The following ANKLE2 variants were observed in gnomAD, a reference collection of about 807,000 sequenced individuals.
ANKLE2 encodes ankyrin repeat and LEM domain containing 2, also known as ankyrin repeat and LEM domain-containing protein 2.
In ANKLE2, 55 loss-of-function variants were observed where a neutral mutation model predicts 84.2. The ratio of observed to expected loss-of-function variants is 0.65; its 90% CI spans 0.53 to 0.82. The LOEUF (loss-of-function observed/expected upper bound fraction) is 0.82, where lower values mean the gene tolerates loss of function less well. ANKLE2 is among the 40% of genes least tolerant of loss of function. The pLI is 0.00. For synonymous variants in ANKLE2, 551 were observed against 486.1 expected (o/e 1.13, Z -1.76); for missense variants, 1,238 against 1,201.9 (o/e 1.03, Z -0.44).
Position 132,729,668 on chromosome 12 carries a change from CACA to C in ANKLE2, c.2483+8_2483+10del, listed in dbSNP as rs746141976. Reference sequence around the variant, plus strand: ...GAAGGAAAGTGAGTGCAGAGGGCAACACACTCCTACCCAAAAAGGAAGAGCCGC... The same window carrying C: ...GAAGGAAAGTGAGTGCAGAGGGCAACCTCCTACCCAAAAAGGAAGAGCCGC... On this transcript the variant is annotated splice_region_variant and intron_variant, in intron 11 of 12. Transcript: ENST00000357997. The C allele has an allele frequency of 1.9e-4, 295 of 1,576,690 alleles. No homozygotes were observed. In the South Asian group the frequency reaches 2.6e-3, roughly 14 times the overall value.
chr12:132,735,052 A>G (rs961847628), intron 9 of ANKLE2: 2 of 302,610 alleles, frequency 6.6e-6, no homozygotes, highest in Admixed American at 4.8e-5. Context: ...ATTTGATTAC[A>G]GCATAATTTA....
chr12:132,747,401 T>A lies in ANKLE2; in HGVS notation c.1230+431A>T, dbSNP rs544976876. ...GCGTGTCAGGCAGCCTCTCTCTCTC[T>A]CCACAGCCCTGCGTGTCAGGCAGCA... On this transcript the variant is annotated intron_variant, in intron 5 of 12. Transcript: ENST00000357997. Among the ~76,000 whole-genome samples the A allele has an allele frequency of 2.9e-3, 439 of 150,644 alleles. 1 individual carries two copies. Among genetic ancestry groups the A allele is most frequent in the African/African-American group, 0.01 (427 of 40,726 alleles).
At chr12:132,732,854 T>G (rs544066621) in intron 10 of ANKLE2, among the ~76,000 whole-genome samples, 1 of 133,298 alleles carries the variant, frequency 7.5e-6, no homozygotes, top group African/African-American at 2.9e-5. Context: ...TGGTGTCTGA[T>G]ATGCACCGTG....
In ANKLE2 at chr12:132,743,184, T is replaced by A. The variant is rs2044165834; in HGVS notation, c.1323A>T (p.Ser441=). 1 of 1,610,964 alleles carries A rather than the reference T, an allele frequency of 6.2e-7. No homozygotes were observed. Among genetic ancestry groups the A allele is most frequent in the Non-Finnish European group, 8.5e-7 (1 of 1,178,490 alleles). Residue 441 remains serine, a synonymous_variant, in exon 6 of 13, where the codon TCA becomes TCT. Coordinates refer to ENST00000357997, the MANE Select transcript of ANKLE2 (RefSeq NM_015114.3). The surrounding 1 kb of genome is among the most constrained non-coding windows in gnomAD (Gnocchi z 4.1). ...LSSHHLIVKN[S]RNKYDKTPED... is the part of the protein sequence containing the mutation. ...CAGGTGTTTTATCATATTTATTCCTTGAGTTTTTTACAATCAAATGGTGTG... is the reference window on the plus strand; with the variant it reads ...CAGGTGTTTTATCATATTTATTCCTAGAGTTTTTTACAATCAAATGGTGTG...
chr12:132,757,675 T>G (rs550944352), intron 1 of ANKLE2: 11 of 152,298 alleles, frequency 7.2e-5, no homozygotes, highest in African/African-American at 2.6e-4. Flanking sequence ...ACTAAAAAAT[T>G]AGCCGGCCAT....
intron 10 of ANKLE2, 146 bp from the exon 11 acceptor site, chr12:132,730,416 C>T (rs913014967): frequency 2.5e-6 from 1 of 406,876 alleles, no homozygotes; most frequent in Non-Finnish European, 3.6e-6. Flanking sequence ...GACCAACTGC[C>T]GTGACCCCAG....
chr12:132,761,691 G>A lies in ANKLE2; in HGVS notation c.108C>T (p.Gly36=). The A allele has an allele frequency of 1.5e-6, 2 of 1,346,264 alleles. No homozygotes were observed. Among genetic ancestry groups the A allele is most frequent in the South Asian group, 1.7e-5 (1 of 57,604 alleles). 83.4% of individuals were successfully genotyped at this position (1,346,264 alleles called of 1,614,324 possible). Residue 36 remains glycine, a synonymous_variant, in exon 1 of 13, where the codon GGC becomes GGT. Coordinates refer to ENST00000357997, the MANE Select transcript of ANKLE2 (RefSeq NM_015114.3). ...TGCGGCCCAGACCTCCCGGCCGCGG[G>A]CCCAGCCGCCGCACCAGCCACCGCA... The part of the protein sequence containing the change: ...IAVRWLVRRL[G]PRPGGLGRSG...
At position 132,761,692 on chromosome 12, in the gene ANKLE2, C is replaced by T; in HGVS notation, c.107G>A (p.Gly36Asp). The change falls in exon 1 of 13, where the codon GGC (glycine) becomes GAC (aspartate). Residue 36 changes from glycine (G) to aspartate (D), a missense_variant. This residue lies in a region of ANKLE2 where 422 missense variants were observed against 394.5 expected (regional missense o/e 1.07). Coordinates refer to ENST00000357997, the MANE Select transcript of ANKLE2 (RefSeq NM_015114.3). ...IAVRWLVRRL[G>D]PRPGGLGRSG... ...GCGGCCCAGACCTCCCGGCCGCGGG[C>T]CCAGCCGCCGCACCAGCCACCGCAC... is the stretch of plus-strand genomic sequence containing the variant. The T allele has an allele frequency of 1.5e-6, 2 of 1,348,122 alleles. No homozygotes were observed. The highest frequency in any genetic ancestry group is 1.7e-5 in the South Asian group (1 of 57,872). 83.5% of individuals were successfully genotyped at this position (1,348,122 alleles called of 1,614,324 possible). A position where few individuals can be genotyped will look rare whatever the true frequency, so the allele number is the denominator to read the frequency against.
chr12:132,745,230 CT>C (rs1378844714), intron 5 of ANKLE2: 1 of 172,624 alleles, frequency 5.8e-6, no homozygotes. Context: ...ACCAATGTCC[CT>C]GTTGACACAG....
intron 5 of ANKLE2, among the ~76,000 whole-genome samples, chr12:132,747,093 T>C (rs989606709): frequency 1.3e-5 from 2 of 152,188 alleles, no homozygotes; most frequent in Non-Finnish European, 2.9e-5. Context: ...GCACTTCAGA[T>C]GAAATGACCC....
chr12:132,739,316 T>C (rs1185781623), intron 7 of ANKLE2, among the ~76,000 whole-genome samples: 4 of 152,206 alleles, frequency 2.6e-5, no homozygotes, highest in Non-Finnish European at 4.4e-5. Context: ...CTGAAGAATT[T>C]CCATTCAAGA....
chr12:132,743,195 C>T lies in ANKLE2; in HGVS notation c.1312G>A (p.Val438Ile). The T allele has an allele frequency of 6.2e-7, 1 of 1,611,146 alleles. No individual in the cohort carries two copies. Among genetic ancestry groups the T allele is most frequent in the Non-Finnish European group, 8.5e-7 (1 of 1,178,598 alleles). ...VNVLSSHHLI[V>I]KNSRNKYDKT... ...TCATATTTATTCCTTGAGTTTTTTA[C>T]AATCAAATGGTGTGACGAAAGCACG... Residue 438 changes from valine to isoleucine, a missense_variant, in exon 6 of 13, where the codon GTA (valine) becomes ATA (isoleucine). Val to Ile is a conservative substitution (Grantham distance 29, BLOSUM62 3). Coordinates refer to ENST00000357997, the MANE Select transcript of ANKLE2 (RefSeq NM_015114.3). This position sits in a 1 kb window ranked among gnomAD's most constrained non-coding sequence, Gnocchi z 4.1.
At chr12:132,739,822 A>C (rs1488038392) in intron 7 of ANKLE2, among the ~76,000 whole-genome samples, 1 of 152,222 alleles carries the variant, frequency 6.6e-6, no homozygotes, top group East Asian at 1.9e-4. Context: ...ACAGATGCTG[A>C]CCATGCCTGG....
At chr12:132,737,406 C>T (rs1387973677) in intron 7 of ANKLE2, 4 of 199,150 alleles carry the variant, frequency 2.0e-5, no homozygotes, top group Non-Finnish European at 4.1e-5. Context: ...GAGCTTAATA[C>T]ATTTTAAAAA....
rs1435065680 is a variant in ANKLE2, at chr12:132,726,178, G to GT, written c.*1063dup. ...GAAACAACTGTGTGAGCAGTTGCCC[G>GT]TAACACCCAGGAAGAAACCGACCTC... On this transcript the variant is annotated 3_prime_UTR_variant, in exon 13 of 13. Transcript: ENST00000357997. 2 of 153,094 alleles carry GT rather than the reference G, an allele frequency of 1.3e-5. No homozygotes were observed. Among genetic ancestry groups the GT allele is most frequent in the Non-Finnish European group, 2.9e-5 (2 of 68,220 alleles). 9.5% of individuals were successfully genotyped at this position (153,094 alleles called of 1,614,324 possible). A position where few individuals can be genotyped will look rare whatever the true frequency, so the allele number is the denominator to read the frequency against.
At chr12:132,758,811 G>C (rs948377126) in intron 1 of ANKLE2, 1 of 152,330 alleles carries the variant, frequency 6.6e-6, no homozygotes, top group Non-Finnish European at 1.5e-5. Flanking sequence ...ATGAGCCACC[G>C]CAACCGGCCA....
At chr12:132,733,869 A>C (rs2043948748) in intron 10 of ANKLE2, 1 of 433,448 alleles carries the variant, frequency 2.3e-6, no homozygotes, top group South Asian at 1.6e-5. Flanking sequence ...TTTTGAGAAA[A>C]CGGCACAGAA....
chr12:132,739,364 A>G (rs2044076746), intron 7 of ANKLE2, among the ~76,000 whole-genome samples: 1 of 152,158 alleles, frequency 6.6e-6, no homozygotes, highest in African/African-American at 2.4e-5. Context: ...GGCAATTCAA[A>G]TACTCTGTCT....
rs2044173608 is a variant in ANKLE2, at chr12:132,743,503, CTAT to C, written c.1231-230_1231-228del. On this transcript the variant is annotated intron_variant, in intron 5 of 12. Coordinates refer to ENST00000357997, the MANE Select transcript of ANKLE2 (RefSeq NM_015114.3). This position sits in a 1 kb window ranked among gnomAD's most constrained non-coding sequence, Gnocchi z 4.1. ...TACAGGCACCCGCCACCACACCCAG[CTAT>C]TTTTTTTTTTTTTTTAATATTTAGT... Among the ~76,000 whole-genome samples, 1 of 149,820 alleles carries C rather than the reference CTAT, an allele frequency of 6.7e-6. No individual in the cohort carries two copies. The highest frequency in any genetic ancestry group is 1.5e-5 in the Non-Finnish European group (1 of 67,646).
Sources: allele counts gnomAD v4.1 joint callset (sites outside exome capture counted in the v4.1 genomes callset), GRCh38; gene constraint gnomAD v4.1.1; regional missense constraint gnomAD v4.1.1; non-coding constraint Gnocchi (gnomAD v3.1); transcripts MANE v1.5; gene names NCBI Gene and HGNC (gene_info 2026-07-23, HGNC 2026-07-21).